Variants in KMO observed in about 807,000 individuals in gnomAD.
KMO encodes the protein kynurenine 3-monooxygenase.
A neutral mutation model predicts 57.8 loss-of-function variants in KMO; 24 were observed. The ratio of observed to expected loss-of-function variants is 0.42; its 90% CI spans 0.30 to 0.58. The LOEUF is 0.58. KMO is among the 20% of genes least tolerant of loss of function. The pLI is 0.22. For synonymous variants in KMO, 210 were observed against 193.6 expected, an observed-to-expected ratio of 1.08 and a Z score of -0.70; for missense variants, 483 against 588.2, an observed-to-expected ratio of 0.82 and a Z score of 1.85.
At chr1:241,566,280 T>C (rs1310430084) in intron 8 of KMO, among the ~76,000 whole-genome samples, 1 of 152,188 alleles carries the variant, frequency 6.6e-6, no homozygotes, top group Non-Finnish European at 1.5e-5. Flanking sequence ...ATTGTCCGAA[T>C]AATCAAAGAA....
chr1:241,585,772 A>C (rs1008811693), intron 10 of KMO, among the ~76,000 whole-genome samples: 3 of 144,170 alleles, frequency 2.1e-5, no homozygotes, highest in Non-Finnish European at 3.1e-5. Flanking sequence ...AAAAAAGAAC[A>C]AAAAAAAAAA....
chr1:241,576,858 T>C (rs1191315671), intron 10 of KMO, among the ~76,000 whole-genome samples: 3 of 152,156 alleles, frequency 2.0e-5, no homozygotes. Flanking sequence ...CTTTTCTCCC[T>C]CAGGAACATC....
rs1660976118 is a variant in KMO, at chr1:241,541,992, C to T, written c.55-6837C>T. On this transcript the variant is annotated intron_variant, in intron 1 of 14. Coordinates refer to ENST00000366559, the MANE Select transcript of KMO (RefSeq NM_003679.5). ...AGTAGTTGACAAATGTTTAATATTG[C>T]ACTATCAGATTAATTTCAAATATAT... is the stretch of plus-strand genomic sequence containing the variant. Among the ~76,000 whole-genome samples the T allele has an allele frequency of 2.0e-5, 3 of 152,164 alleles. No homozygotes were observed. In the South Asian group the frequency reaches 6.2e-4, roughly 32 times the overall value.
chr1:241,540,751 C>A (rs1316639702), intron 1 of KMO, among the ~76,000 whole-genome samples: 1 of 152,008 alleles, frequency 6.6e-6, no homozygotes, highest in Non-Finnish European at 1.5e-5. Context: ...CAAAAATAAT[C>A]ATTCAACATC....
intron 1 of KMO, among the ~76,000 whole-genome samples, chr1:241,542,110 A>AT (rs1342998269): frequency 2.0e-5 from 3 of 151,368 alleles, no homozygotes; most frequent in Non-Finnish European, 4.4e-5. Context: ...CTTTCTTTTT[A>AT]TTTTTTTGTT....
chr1:241,576,666 C>T (rs552215555), intron 10 of KMO, among the ~76,000 whole-genome samples: 24 of 152,104 alleles, frequency 1.6e-4, no homozygotes, highest in African/African-American at 5.5e-4. Flanking sequence ...GCTTTTGTCT[C>T]ACTGCTCTTA....
At chr1:241,552,523 G>T (rs1469910887) in intron 4 of KMO, among the ~76,000 whole-genome samples, 1 of 152,060 alleles carries the variant, frequency 6.6e-6, no homozygotes. Flanking sequence ...ATCCCCGGGA[G>T]CCCACCTTCT....
intron 10 of KMO, 91 bp downstream of exon 10, chr1:241,568,738 C>A: frequency 8.4e-7 from 1 of 1,195,056 alleles, no homozygotes; most frequent in Non-Finnish European, 1.2e-6. Context: ...CTAAGACTAT[C>A]CCCACATAAT....
intron 10 of KMO, among the ~76,000 whole-genome samples, chr1:241,585,995 C>T (rs1472703720): frequency 2.6e-5 from 4 of 151,794 alleles, no homozygotes; most frequent in African/African-American, 7.3e-5. Flanking sequence ...AAATATGAAT[C>T]TTAAAGACTT....
chr1:241,591,901 TTCAGA>T, intron 14 of KMO, 47 bp from the exon 15 acceptor site: 1 of 1,475,790 alleles, frequency 6.8e-7, no homozygotes, highest in South Asian at 1.2e-5. Flanking sequence ...GAAGTCTATT[TTCAGA>T]TTTTAATCTC....
intron 10 of KMO, among the ~76,000 whole-genome samples, chr1:241,571,524 C>A (rs1662278212): frequency 6.6e-6 from 1 of 152,070 alleles, no homozygotes; most frequent in Admixed American, 6.5e-5. Flanking sequence ...AATGCTTTTT[C>A]AGCATCAATT....
At chr1:241,567,358 CTT>C (rs1156317642) in intron 9 of KMO, among the ~76,000 whole-genome samples, 1 of 152,182 alleles carries the variant, frequency 6.6e-6, no homozygotes, top group Non-Finnish European at 1.5e-5. Flanking sequence ...AGATGACAGT[CTT>C]TTTACTGTGT....
At chr1:241,560,818 CTT>C (rs1444428422) in intron 6 of KMO, 66 bp downstream of exon 6, 17 of 1,000,146 alleles carry the variant, frequency 1.7e-5, no homozygotes, top group Non-Finnish European at 2.6e-5. Flanking sequence ...TATCTGCAAA[CTT>C]TGTTCTTTGG....
In KMO at chr1:241,568,491, C is replaced by T; in HGVS notation, c.810-9C>T. 6.2e-7 allele frequency: 1 copy of T among 1,612,746 alleles called. No individual in the cohort carries two copies. The highest frequency in any genetic ancestry group is 8.5e-7 in the Non-Finnish European group (1 of 1,178,956). ...GATGTCTTTATATTCGGATTATTTT[C>T]CTTTGAAGGAAACTCCTAGTGCAAG... On this transcript the variant is annotated splice_polypyrimidine_tract_variant and intron_variant, in intron 9 of 14. Coordinates refer to ENST00000366559, the MANE Select transcript of KMO (RefSeq NM_003679.5).
chr1:241,569,736 C>G (rs1662209234), intron 10 of KMO, among the ~76,000 whole-genome samples: 1 of 152,080 alleles, frequency 6.6e-6, no homozygotes, highest in Admixed American at 6.5e-5. Flanking sequence ...AACCTCCATG[C>G]TGTTTTCCAT....
chr1:241,560,839 A>AGTT, intron 6 of KMO, 87 bp downstream of exon 6: 1 of 848,986 alleles, frequency 1.2e-6, no homozygotes, highest in South Asian at 1.4e-5. Flanking sequence ...GGCTCTTTTG[A>AGTT]AAGAGTTAAA....
chr1:241,538,665 A>T (rs1446060014), intron 1 of KMO, among the ~76,000 whole-genome samples: 1 of 152,176 alleles, frequency 6.6e-6, no homozygotes, highest in Non-Finnish European at 1.5e-5. Context: ...AGCCTTCTTA[A>T]ATATGAAAAA....
chr1:241,580,864 AT>A (rs1486561136), intron 10 of KMO, among the ~76,000 whole-genome samples: 1 of 152,018 alleles, frequency 6.6e-6, no homozygotes, highest in Non-Finnish European at 1.5e-5. Flanking sequence ...TATTAGGTCC[AT>A]TTCTTACATA....
chr1:241,556,096 A>G (rs1310540897), intron 5 of KMO, among the ~76,000 whole-genome samples: 1 of 152,160 alleles, frequency 6.6e-6, no homozygotes, highest in Non-Finnish European at 1.5e-5. Flanking sequence ...CCCTGTCTCA[A>G]AAAAAGAAAT....
Sources: gnomAD v4.1 joint callset for allele counts (sites outside exome capture counted in the v4.1 genomes callset) on GRCh38, gnomAD v4.1.1 for gene constraint, MANE v1.5 for transcripts, NCBI Gene and HGNC (gene_info 2026-07-23, HGNC 2026-07-21) for gene names.